Variants in STAU2 observed in about 807,000 individuals in gnomAD.
The protein encoded by STAU2 is double-stranded RNA-binding protein Staufen homolog 2.
Under a neutral mutation model 65.9 loss-of-function variants are expected in STAU2, and 20 were observed. The ratio of observed to expected loss-of-function variants is 0.30; its 90% confidence interval spans 0.21 to 0.44. The LOEUF is 0.44. Ranked by LOEUF, STAU2 falls within the 20% of genes least tolerant of loss-of-function variation. The pLI is 1.00. For synonymous variants in STAU2, 232 were observed against 233.9 expected (o/e 0.99, Z 0.07); for missense variants, 558 against 683.9 (o/e 0.82, Z 2.05).
intron 5 of STAU2, among the ~76,000 whole-genome samples, chr8:73,681,351 A>C (rs532414328): frequency 1.3e-5 from 2 of 152,316 alleles, no homozygotes; most frequent in African/African-American, 4.8e-5. Flanking sequence ...CAAGAATTTT[A>C]TGTCCAGTGA....
At chr8:73,448,684 G>A (rs929600794) in intron 13 of STAU2, among the ~76,000 whole-genome samples, 1 of 152,232 alleles carries the variant, frequency 6.6e-6, no homozygotes, top group Non-Finnish European at 1.5e-5. Flanking sequence ...ACTCATCCAC[G>A]TCACGGGGCT....
At chr8:73,689,396 C>G (rs987442120) in intron 4 of STAU2, among the ~76,000 whole-genome samples, 3 of 152,212 alleles carry the variant, frequency 2.0e-5, no homozygotes, top group African/African-American at 7.2e-5. Context: ...CTTTCATCAT[C>G]TTTAGCTTGG....
chr8:73,450,904 G>A lies in STAU2; in HGVS notation c.1531-28202C>T, dbSNP rs369479468. Among the ~76,000 whole-genome samples the A allele has an allele frequency of 4.3e-4, 65 of 152,306 alleles. 2 individuals carry two copies. In the South Asian group the frequency reaches 0.013, roughly 31 times the overall value. ...CCTAAAGGAGACAGTGAGGCAAGAA[G>A]GTGACGGCATTTGTAGTTACCAGCC... On this transcript the variant is annotated intron_variant, in intron 13 of 14. Transcript: ENST00000524300.
intron 13 of STAU2, among the ~76,000 whole-genome samples, chr8:73,532,028 A>G (rs1243800687): frequency 6.6e-6 from 1 of 152,234 alleles, no homozygotes; most frequent in African/African-American, 2.4e-5. Flanking sequence ...CTCTGAGTCA[A>G]GGGGACCTCA....
At chr8:73,430,379 C>T (rs374286736) in intron 13 of STAU2, among the ~76,000 whole-genome samples, 19 of 152,296 alleles carry the variant, frequency 1.2e-4, no homozygotes, top group African/African-American at 3.1e-4. Context: ...CTCACAGGTA[C>T]GGACAGAACC....
intron 9 of STAU2, among the ~76,000 whole-genome samples, chr8:73,606,803 C>A (rs1482132276): frequency 1.3e-5 from 2 of 152,122 alleles, no homozygotes; most frequent in Non-Finnish European, 2.9e-5. Context: ...GAGTAACAAT[C>A]AAAAATTAGA....
intron 5 of STAU2, among the ~76,000 whole-genome samples, chr8:73,687,025 G>C (rs1395532896): frequency 6.7e-6 from 1 of 149,138 alleles, no homozygotes; most frequent in African/African-American, 2.5e-5. Context: ...CCTAAGTAGT[G>C]GGGACTACAG....
intron 13 of STAU2, among the ~76,000 whole-genome samples, chr8:73,510,023 TG>T (rs1822297172): frequency 6.6e-6 from 1 of 152,228 alleles, no homozygotes; most frequent in African/African-American, 2.4e-5. Context: ...AGCATTTTGA[TG>T]TAAAAATATG....
chr8:73,620,133 A>C (rs916405954), intron 6 of STAU2, among the ~76,000 whole-genome samples: 1 of 152,180 alleles, frequency 6.6e-6, no homozygotes, highest in Non-Finnish European at 1.5e-5. Context: ...AATCTGACAG[A>C]CTAATATGAA....
At chr8:73,659,114 A>G (rs759045227) in intron 6 of STAU2, among the ~76,000 whole-genome samples, 11 of 152,194 alleles carry the variant, frequency 7.2e-5, no homozygotes, top group Non-Finnish European at 1.5e-4. Flanking sequence ...GGAACCCTCC[A>G]AAACAAAGCA....
At chr8:73,524,083 AG>A (rs1438836703) in intron 13 of STAU2, among the ~76,000 whole-genome samples, 1 of 152,158 alleles carries the variant, frequency 6.6e-6, no homozygotes, top group Admixed American at 6.5e-5. Context: ...AGTGGAGCAA[AG>A]GTAGAAAAAA....
chr8:73,516,981 CAGAA>C (rs1374549699), intron 13 of STAU2, among the ~76,000 whole-genome samples: 1 of 152,040 alleles, frequency 6.6e-6, no homozygotes, highest in Non-Finnish European at 1.5e-5. Context: ...GAACTGTTAA[CAGAA>C]AGGTTTTTAG....
intron 12 of STAU2, among the ~76,000 whole-genome samples, chr8:73,556,553 C>A (rs1000170202): frequency 2.6e-5 from 4 of 152,184 alleles, no homozygotes; most frequent in Middle Eastern, 6.8e-3. Context: ...GTCAGGAGTT[C>A]GAGACCAGCC....
intron 6 of STAU2, among the ~76,000 whole-genome samples, chr8:73,662,394 T>G (rs1816895137): frequency 6.6e-6 from 1 of 152,220 alleles, no homozygotes; most frequent in Non-Finnish European, 1.5e-5. Context: ...TCTCAATTTT[T>G]TCATGATCCA....
intron 6 of STAU2, among the ~76,000 whole-genome samples, chr8:73,663,470 T>A (rs1010964291): frequency 6.6e-6 from 1 of 152,188 alleles, no homozygotes; most frequent in Non-Finnish European, 1.5e-5. Context: ...TTTTCTGCTG[T>A]CTTGATTATT....
chr8:73,638,500 CTTTTT>C (rs576967652), intron 6 of STAU2, among the ~76,000 whole-genome samples: 2 of 133,712 alleles, frequency 1.5e-5, no homozygotes, highest in African/African-American at 2.7e-5. Context: ...TTGAAATATT[CTTTTT>C]TTTTTTTTTT....
At chr8:73,580,014 T>C (rs1809867903) in intron 12 of STAU2, among the ~76,000 whole-genome samples, 1 of 152,182 alleles carries the variant, frequency 6.6e-6, no homozygotes, top group East Asian at 1.9e-4. Flanking sequence ...TACTTATAGT[T>C]AGGTGCTATG....
At chr8:73,519,498 G>A (rs1315217360) in intron 13 of STAU2, among the ~76,000 whole-genome samples, 1 of 152,068 alleles carries the variant, frequency 6.6e-6, no homozygotes, top group Non-Finnish European at 1.5e-5. Flanking sequence ...ACAATGAAAA[G>A]TTATAAACAG....
intron 8 of STAU2, among the ~76,000 whole-genome samples, chr8:73,614,971 A>C (rs543502335): frequency 6.6e-6 from 1 of 152,144 alleles, no homozygotes; most frequent in African/African-American, 2.4e-5. Context: ...TCCAACTCAG[A>C]TGATCCTGCC....
Sources: gnomAD v4.1 joint callset for allele counts (sites outside exome capture counted in the v4.1 genomes callset) on GRCh38, gnomAD v4.1.1 for gene constraint, MANE v1.5 for transcripts, NCBI Gene and HGNC (gene_info 2026-07-23, HGNC 2026-07-21) for gene names.